Variants in KCND2 observed in about 807,000 individuals in gnomAD.
KCND2 encodes the protein A-type voltage-gated potassium channel KCND2.
KCND2 carries 16 observed loss-of-function variants against 54.4 expected under a neutral mutation model. The ratio of observed to expected loss-of-function variants is 0.29; its 90% CI spans 0.20 to 0.45. The LOEUF (loss-of-function observed/expected upper bound fraction) is 0.45, where lower values mean the gene tolerates loss of function less well. Among genes scored for constraint, KCND2 ranks in the 20% least tolerant of loss-of-function variants. KCND2 has a pLI of 1.00. For synonymous variants in KCND2, 317 were observed against 310.7 expected (o/e 1.02, Z -0.21); for missense variants, 486 against 824.2 (o/e 0.59, Z 5.02).
chr7:120,511,163 G>T (rs796847837), intron 1 of KCND2, among the ~76,000 whole-genome samples: 10 of 151,720 alleles, frequency 6.6e-5, no homozygotes, highest in African/African-American at 2.4e-4. Context: ...AGCATTTTTT[G>T]AATCTGGAGA....
intron 1 of KCND2, among the ~76,000 whole-genome samples, chr7:120,574,345 G>GA (rs1405481915): frequency 2.0e-5 from 3 of 152,080 alleles, no homozygotes; most frequent in Admixed American, 2.0e-4. Flanking sequence ...CCAAGCCTTG[G>GA]ATATCATATG....
chr7:120,314,193 T>C (rs1799780546), intron 1 of KCND2, among the ~76,000 whole-genome samples: 1 of 152,138 alleles, frequency 6.6e-6, no homozygotes, highest in South Asian at 2.1e-4. Context: ...AATTTATTTC[T>C]TTTTGAAATT....
chr7:120,281,954 T>C (rs1334141636), intron 1 of KCND2, among the ~76,000 whole-genome samples: 1 of 152,174 alleles, frequency 6.6e-6, no homozygotes, highest in Non-Finnish European at 1.5e-5. Flanking sequence ...TTAATTTTTC[T>C]CTTTTTGACT....
At chr7:120,517,991 A>G (rs1030079730) in intron 1 of KCND2, among the ~76,000 whole-genome samples, 20 of 152,032 alleles carry the variant, frequency 1.3e-4, no homozygotes, top group Non-Finnish European at 5.9e-5. Flanking sequence ...GTACTTTCAG[A>G]TATTTGTTGA....
intron 1 of KCND2, among the ~76,000 whole-genome samples, chr7:120,303,497 A>C (rs1799612837): frequency 6.6e-6 from 1 of 152,214 alleles, no homozygotes; most frequent in African/African-American, 2.4e-5. Context: ...GTATCATCTT[A>C]AATCATGTTT....
chr7:120,478,374 T>C (rs1802559263), intron 1 of KCND2, among the ~76,000 whole-genome samples: 1 of 152,166 alleles, frequency 6.6e-6, no homozygotes, highest in Non-Finnish European at 1.5e-5. Flanking sequence ...AATTATCACT[T>C]AGTCATACTA....
intron 1 of KCND2, among the ~76,000 whole-genome samples, chr7:120,499,052 A>G (rs1802893220): frequency 6.6e-6 from 1 of 152,154 alleles, no homozygotes; most frequent in Non-Finnish European, 1.5e-5. Flanking sequence ...TTTGACTTGC[A>G]TTTTAAATTA....
chr7:120,611,690 G>A (rs1157764385), intron 1 of KCND2, among the ~76,000 whole-genome samples: 2 of 152,130 alleles, frequency 1.3e-5, no homozygotes, highest in African/African-American at 2.4e-5. Flanking sequence ...TGCTCTCCAC[G>A]ATGAAGTGAA....
intron 1 of KCND2, among the ~76,000 whole-genome samples, chr7:120,611,862 A>C (rs1792960019): frequency 1.3e-5 from 2 of 152,138 alleles, no homozygotes; most frequent in Admixed American, 6.6e-5. Context: ...TTAGAAGAGA[A>C]ATGGATGTTT....
chr7:120,524,434 A>G (rs1243546818), intron 1 of KCND2, among the ~76,000 whole-genome samples: 1 of 152,168 alleles, frequency 6.6e-6, no homozygotes, highest in Non-Finnish European at 1.5e-5. Flanking sequence ...CTTTTAAAAT[A>G]TATTTTTAAA....
intron 1 of KCND2, among the ~76,000 whole-genome samples, chr7:120,484,709 A>G (rs1802667937): frequency 6.6e-6 from 1 of 150,972 alleles, no homozygotes; most frequent in African/African-American, 2.4e-5. Flanking sequence ...ACGCACACAC[A>G]CACACACACA....
At chr7:120,621,430 C>A (rs1390859604) in intron 1 of KCND2, among the ~76,000 whole-genome samples, 12 of 151,898 alleles carry the variant, frequency 7.9e-5, no homozygotes, top group African/African-American at 2.9e-4. Context: ...TTGCACTGTG[C>A]CCATGGTGAT....
chr7:120,536,871 ATC>A (rs1193202834), intron 1 of KCND2, among the ~76,000 whole-genome samples: 3 of 152,016 alleles, frequency 2.0e-5, no homozygotes, highest in Non-Finnish European at 4.4e-5. Context: ...TTTTTGTCAG[ATC>A]TGATAATGAT....
intron 1 of KCND2, among the ~76,000 whole-genome samples, chr7:120,701,182 G>A (rs1792396060): frequency 7.7e-6 from 1 of 129,874 alleles, no homozygotes; most frequent in Admixed American, 9.6e-5. Context: ...CCAGAGCTTA[G>A]ACCCATGGTC....
intron 1 of KCND2, among the ~76,000 whole-genome samples, chr7:120,285,056 A>G (rs763223695): frequency 1.3e-5 from 2 of 152,150 alleles, no homozygotes; most frequent in Non-Finnish European, 2.9e-5. Flanking sequence ...TTCCACTGGT[A>G]TTACTTTTAC....
At chr7:120,621,290 A>AAAAAAAAAAAAAAAAAAAAAC (rs1793095477) in intron 1 of KCND2, among the ~76,000 whole-genome samples, 1 of 145,950 alleles carries the variant, frequency 6.9e-6, no homozygotes, top group African/African-American at 2.5e-5. Context: ...AAAAAAAAAA[A>AAAAAAAAAAAAAAAAAAAAAC]AAAAAAAAAA....
At chr7:120,362,541 G>A (rs1277872406) in intron 1 of KCND2, among the ~76,000 whole-genome samples, 1 of 152,088 alleles carries the variant, frequency 6.6e-6, no homozygotes, top group Non-Finnish European at 1.5e-5. Context: ...GAATGTTGCA[G>A]TGTATGAATT....
intron 1 of KCND2, among the ~76,000 whole-genome samples, chr7:120,506,177 T>G (rs1345337198): frequency 6.6e-6 from 1 of 151,658 alleles, no homozygotes; most frequent in East Asian, 1.9e-4. Flanking sequence ...GTAGGTATAT[T>G]AAAAAGTGAG....
At chr7:120,523,042 T>C (rs1416960718) in intron 1 of KCND2, among the ~76,000 whole-genome samples, 2 of 152,172 alleles carry the variant, frequency 1.3e-5, no homozygotes, top group Non-Finnish European at 2.9e-5. Flanking sequence ...AGGTGAACGA[T>C]ACAGATGAGG....
Sources: allele counts gnomAD v4.1 joint callset (sites outside exome capture counted in the v4.1 genomes callset), GRCh38; gene constraint gnomAD v4.1.1; transcripts MANE v1.5; gene names NCBI Gene and HGNC (gene_info 2026-07-23, HGNC 2026-07-21).